ZFPM1: variants seen among roughly 807,000 people sequenced by gnomAD.
ZFPM1 encodes the protein zinc finger protein ZFPM1.
Under a neutral mutation model 46.3 loss-of-function variants are expected in ZFPM1, and 28 were observed. That is an observed-to-expected ratio of 0.60 (90% CI 0.45 to 0.83). ZFPM1 has a LOEUF of 0.83. Ranked by LOEUF, ZFPM1 falls within the 40% of genes least tolerant of loss-of-function variation. ZFPM1 has a pLI of 0.00. For missense variants in ZFPM1, 1,878 were observed against 1,432.4 expected (o/e 1.31, Z -5.02); for synonymous variants, 957 against 675.9 (o/e 1.42, Z -6.45).
chr16:88,495,513 C>A (rs1209661922), intron 3 of ZFPM1, among the ~76,000 whole-genome samples: 1 of 152,236 alleles, frequency 6.6e-6, no homozygotes, highest in Non-Finnish European at 1.5e-5. Flanking sequence ...GCCTGGTCTG[C>A]TGGGTGGGCA....
chr16:88,534,372 TC>T lies in ZFPM1; in HGVS notation c.2418del (p.Gly807GlufsTer18). On this transcript the variant is annotated frameshift_variant, in exon 10 of 10. Coordinates refer to ENST00000319555, the MANE Select transcript of ZFPM1 (RefSeq NM_153813.3). LOFTEE classifies it low-confidence loss of function (END_TRUNC). ...CTGAGCAAGAAGCCGCGGCGCCCGC[TC>T]CCCGGAGCCCCGGCACCGGCGCTGG... ...IDLSKKPRRP[L>X]PGAPAPALAD... The T allele has an allele frequency of 2.1e-6, 3 of 1,437,646 alleles. No individual in the cohort carries two copies. The highest frequency in any genetic ancestry group is 2.7e-6 in the Non-Finnish European group (3 of 1,100,592). 89.1% of individuals were successfully genotyped at this position (1,437,646 alleles called of 1,614,324 possible).
At chr16:88,466,285 A>T (rs1908130804) in intron 1 of ZFPM1, among the ~76,000 whole-genome samples, 1 of 152,200 alleles carries the variant, frequency 6.6e-6, no homozygotes, top group African/African-American at 2.4e-5. Flanking sequence ...CAGTTCTGGC[A>T]TGGAGTACTC....
rs753304693 is a variant in ZFPM1 at position 88,532,128 on chromosome 16, A to G, written c.839A>G (p.Glu280Gly). Residue 280 changes from glutamate (E) to glycine (G), a missense_variant, in exon 7 of 10, where the codon GAG becomes GGG. Transcript: ENST00000319555. Reference protein sequence around the residue: ...TGSPAAAATDEKPKETYPNER... With the variant: ...TGSPAAAATDGKPKETYPNER... ...TCCCCGGCCGCAGCCGCCACAGACGAGAAGCCCAAAGAGACCTACCCCAAC... is the reference window on the plus strand; with the variant it reads ...TCCCCGGCCGCAGCCGCCACAGACGGGAAGCCCAAAGAGACCTACCCCAAC... 3 of 1,612,602 alleles carry G rather than the reference A, an allele frequency of 1.9e-6. No homozygotes were observed. Among genetic ancestry groups the G allele is most frequent in the Non-Finnish European group, 8.5e-7 (1 of 1,179,784 alleles).
At chr16:88,508,705 C>A (rs905496692) in intron 3 of ZFPM1, among the ~76,000 whole-genome samples, 6 of 152,310 alleles carry the variant, frequency 3.9e-5, no homozygotes, top group South Asian at 2.1e-4. Context: ...AGAGTTTGCG[C>A]GGAGGTCACG....
rs758092528 is a variant in ZFPM1, at chr16:88,489,057, C to T, written c.172C>T (p.Pro58Ser). The T allele has an allele frequency of 2.3e-5, 37 of 1,612,688 alleles. No homozygotes were observed. The South Asian group carries it at 2.7e-4, about 12-fold the overall frequency. The change falls in exon 3 of 10, where the codon CCC becomes TCC. Residue 58 changes from proline (P) to serine (S), a missense_variant. By Grantham distance (74) the Pro-to-Ser change is moderately conservative. Coordinates refer to ENST00000319555, the MANE Select transcript of ZFPM1 (RefSeq NM_153813.3). ...TGTTAACTCACCCCCACCGCTGCCG[C>T]CCCCCACATCCCCAGGAGGCCCCAA... ...ADVNSPPPLPPPTSPGGPKEL... is the reference protein window; with the variant it reads ...ADVNSPPPLPSPTSPGGPKEL...
chr16:88,461,137 A>ACCTGGTGAGGACCGAGGGGCGGGAGG (rs1567525725), intron 1 of ZFPM1, among the ~76,000 whole-genome samples: 3 of 34,268 alleles, frequency 8.8e-5, no homozygotes, highest in South Asian at 1.2e-3. Flanking sequence ...GGGGCGGGAG[A>ACCTGGTGAGGACCGAGGGGCGGGAGG]CCTGGTGAGG....
chr16:88,452,954 G>A (rs567748516), upstream of ZFPM1, among the ~76,000 whole-genome samples: 3 of 152,238 alleles, frequency 2.0e-5, no homozygotes, highest in Admixed American at 2.0e-4. Flanking sequence ...CCCGGGGCGC[G>A]GGCGGGGCCG....
At chr16:88,484,157 G>C (rs141654333) in intron 1 of ZFPM1, among the ~76,000 whole-genome samples, 1 of 152,216 alleles carries the variant, frequency 6.6e-6, no homozygotes, top group Non-Finnish European at 1.5e-5. Flanking sequence ...GTGGGGATTC[G>C]GAGAGAAGCT....
chr16:88,468,441 G>T (rs1237330116), intron 1 of ZFPM1, among the ~76,000 whole-genome samples: 1 of 152,208 alleles, frequency 6.6e-6, no homozygotes, highest in African/African-American at 2.4e-5. Flanking sequence ...GGAGAAAAGA[G>T]GCCGGCCTTG....
At chr16:88,496,442 C>A (rs981561327) in intron 3 of ZFPM1, among the ~76,000 whole-genome samples, 2 of 152,064 alleles carry the variant, frequency 1.3e-5, no homozygotes, top group Non-Finnish European at 2.9e-5. Context: ...GGCAAGCAAT[C>A]CTCATGAAGC....
intron 1 of ZFPM1, among the ~76,000 whole-genome samples, chr16:88,466,603 C>T (rs1280647897): frequency 2.0e-5 from 3 of 152,192 alleles, no homozygotes; most frequent in Non-Finnish European, 4.4e-5. Context: ...AGGGGATGGG[C>T]GGAGGCTGGC....
chr16:88,464,905 C>T (rs559074264), intron 1 of ZFPM1, among the ~76,000 whole-genome samples: 30 of 152,330 alleles, frequency 2.0e-4, no homozygotes, highest in African/African-American at 5.5e-4. Flanking sequence ...ACCAGCGATC[C>T]GCTGCCTATC....
intron 6 of ZFPM1, among the ~76,000 whole-genome samples, chr16:88,529,764 G>A (rs1333141735): frequency 1.3e-5 from 2 of 152,208 alleles, no homozygotes; most frequent in Non-Finnish European, 2.9e-5. Context: ...TGCAGAGGTC[G>A]CCATGACCCT....
chr16:88,497,469 G>T lies in ZFPM1; in HGVS notation c.268+8316G>T, dbSNP rs555970289. ...GATGGGGTTCAGAGGGGTCAGGGTG[G>T]GGCTCAGGGCCCGGGCGGGGATGGG... On this transcript the variant is annotated intron_variant, in intron 3 of 9. Coordinates refer to ENST00000319555, the MANE Select transcript of ZFPM1 (RefSeq NM_153813.3). This position sits in a 1 kb window ranked among gnomAD's most constrained non-coding sequence, Gnocchi z 5.4. 4.3e-3 allele frequency among the ~76,000 whole-genome samples: 617 copies of T among 143,344 alleles called. 7 individuals carry two copies. Among genetic ancestry groups the T allele is most frequent in the African/African-American group, 0.015 (586 of 37,978 alleles). The allele number at this position is 143,344 out of a possible 152,430, so 94.0% of individuals were successfully genotyped here.
chr16:88,512,541 C>A (rs1911028285), intron 3 of ZFPM1, among the ~76,000 whole-genome samples: 2 of 152,166 alleles, frequency 1.3e-5, no homozygotes, highest in Admixed American at 1.3e-4. Context: ...CTTGGCCCCC[C>A]ACCCCGCCCT....
chr16:88,460,744 G>A (rs1013422290), intron 1 of ZFPM1, among the ~76,000 whole-genome samples: 9 of 152,194 alleles, frequency 5.9e-5, no homozygotes, highest in African/African-American at 2.2e-4. Context: ...TACAGTAGGT[G>A]CTTAAATAGC....
intron 1 of ZFPM1, among the ~76,000 whole-genome samples, chr16:88,478,838 A>G (rs1010204891): frequency 2.6e-5 from 4 of 152,180 alleles, no homozygotes; most frequent in African/African-American, 9.7e-5. Context: ...CTGAGGACCC[A>G]TGGGTTTAAG....
In ZFPM1 at chr16:88,536,393, C is replaced by CT. The variant is rs1913247210; in HGVS notation, c.*1414_*1415insT. The CT allele has an allele frequency of 6.6e-6, 1 of 152,244 alleles. No individual in the cohort carries two copies. The highest frequency in any genetic ancestry group is 2.4e-5 in the African/African-American group (1 of 41,462). 9.4% of individuals were successfully genotyped at this position (152,244 alleles called of 1,614,324 possible). On this transcript the variant is annotated 3_prime_UTR_variant, in exon 10 of 10. Transcript: ENST00000319555. ...CTTCCTGTGTTGCCCAAGATGGTCT[C>CT]AAACTCCTGACCTCCAGTGCTCCTG... is the stretch of plus-strand genomic sequence containing the variant.
At position 88,478,903 on chromosome 16, in the gene ZFPM1, G is replaced by A. The variant is rs550652859; in HGVS notation, c.41-7036G>A. Among the ~76,000 whole-genome samples the A allele has an allele frequency of 5.9e-5, 9 of 152,328 alleles. 1 individual carries two copies. In the South Asian group the frequency reaches 1.9e-3, roughly 32 times the overall value. Reference sequence around the variant, plus strand: ...AACGGGGGTGGAGACTTCCCCGGGGGCCTGGACCCCACATGGCAGTGGTGG... The same window carrying A: ...AACGGGGGTGGAGACTTCCCCGGGGACCTGGACCCCACATGGCAGTGGTGG... On this transcript the variant is annotated intron_variant, in intron 1 of 9. Coordinates refer to ENST00000319555, the MANE Select transcript of ZFPM1 (RefSeq NM_153813.3).
Sources: allele counts gnomAD v4.1 joint callset (sites outside exome capture counted in the v4.1 genomes callset), GRCh38; gene constraint gnomAD v4.1.1; non-coding constraint Gnocchi (gnomAD v3.1); transcripts MANE v1.5; gene names NCBI Gene and HGNC (gene_info 2026-07-23, HGNC 2026-07-21).